Variants in SEMA3A observed in about 807,000 individuals in gnomAD.
SEMA3A encodes the protein semaphorin 3A, also known as semaphorin-3A.
Under a neutral mutation model 97.9 loss-of-function variants are expected in SEMA3A, and 29 were observed. The ratio of observed to expected loss-of-function variants is 0.30; its 90% CI spans 0.22 to 0.40. The LOEUF is 0.40. Among genes scored for constraint, SEMA3A ranks in the 10% least tolerant of loss-of-function variants. SEMA3A has a pLI of 1.00. For synonymous variants in SEMA3A, 321 were observed against 323.7 expected (o/e 0.99, Z 0.09); for missense variants, 763 against 951.3 (o/e 0.80, Z 2.60).
intron 6 of SEMA3A, among the ~76,000 whole-genome samples, chr7:84,032,695 T>C (rs1172348603): frequency 6.6e-6 from 1 of 152,032 alleles, no homozygotes; most frequent in Non-Finnish European, 1.5e-5. Flanking sequence ...AGAATTCAAA[T>C]TTAACATTAA....
At chr7:84,215,344 C>T (rs373351587) in intron 3 of SEMA3A, among the ~76,000 whole-genome samples, 1 of 151,038 alleles carries the variant, frequency 6.6e-6, no homozygotes, top group African/African-American at 2.4e-5. Flanking sequence ...TGCTACCACA[C>T]CCAGCTAATT....
intron 2 of SEMA3A, among the ~76,000 whole-genome samples, chr7:84,134,053 T>C (rs1227365728): frequency 6.6e-6 from 1 of 151,980 alleles, no homozygotes; most frequent in Non-Finnish European, 1.5e-5. Context: ...AGAGCGAGAC[T>C]CCATCTCAAA....
intron 2 of SEMA3A, among the ~76,000 whole-genome samples, chr7:84,334,109 C>G (rs1415511014): frequency 6.6e-6 from 1 of 152,082 alleles, no homozygotes; most frequent in African/African-American, 2.4e-5. Context: ...TCATCACAAA[C>G]TAAACTTTGA....
intron 4 of SEMA3A, among the ~76,000 whole-genome samples, chr7:84,080,068 T>C (rs1168218549): frequency 9.1e-5 from 13 of 142,366 alleles, no homozygotes; most frequent in African/African-American, 3.0e-4. Flanking sequence ...ATGGATGAAA[T>C]TGGAAATCAT....
intron 15 of SEMA3A, among the ~76,000 whole-genome samples, chr7:83,967,646 T>G (rs1788753304): frequency 6.6e-6 from 1 of 151,898 alleles, no homozygotes; most frequent in Non-Finnish European, 1.5e-5. Context: ...TCCCAGCTAC[T>G]CTGGAGGCTG....
At chr7:84,414,717 G>A (rs892747954) in intron 1 of SEMA3A, among the ~76,000 whole-genome samples, 1 of 151,860 alleles carries the variant, frequency 6.6e-6, no homozygotes, top group East Asian at 1.9e-4. Context: ...AAGAAAAAAT[G>A]TCAATATCAT....
At chr7:84,356,665 T>TC (rs2116044886) in intron 2 of SEMA3A, among the ~76,000 whole-genome samples, 1 of 152,116 alleles carries the variant, frequency 6.6e-6, no homozygotes, top group South Asian at 2.1e-4. Context: ...GTGATATTTT[T>TC]GTTTTTTTGA....
chr7:84,150,709 T>C lies in SEMA3A; in HGVS notation c.113-15758A>G, dbSNP rs868547507. On this transcript the variant is annotated intron_variant, in intron 1 of 16. Coordinates refer to ENST00000265362, the MANE Select transcript of SEMA3A (RefSeq NM_006080.3). ...GGCTTGATTAGGTAAACAAAGCAGC[T>C]GGGAAGCTGGAACTGGGTGGAGCCC... 8.6e-3 allele frequency among the ~76,000 whole-genome samples: 1,307 copies of C among 151,796 alleles called. 20 individuals carry two copies. Among genetic ancestry groups the C allele is most frequent in the African/African-American group, 0.028 (1,153 of 41,214 alleles).
At chr7:84,272,636 T>G (rs1416694283) in intron 3 of SEMA3A, among the ~76,000 whole-genome samples, 1 of 152,028 alleles carries the variant, frequency 6.6e-6, no homozygotes, top group Non-Finnish European at 1.5e-5. Context: ...CTTCAAGCTT[T>G]TATTGATTGT....
chr7:84,123,330 C>T (rs1030330465), intron 3 of SEMA3A, among the ~76,000 whole-genome samples: 3 of 151,988 alleles, frequency 2.0e-5, no homozygotes, highest in African/African-American at 7.2e-5. Flanking sequence ...TATTTATTTC[C>T]CTATCCAGGG....
At chr7:84,491,229 T>A (rs921370738) in intron 1 of SEMA3A, among the ~76,000 whole-genome samples, 1 of 152,170 alleles carries the variant, frequency 6.6e-6, no homozygotes, top group African/African-American at 2.4e-5. Context: ...GGGAATTATT[T>A]AAACAGTGCA....
At chr7:84,302,057 T>C (rs1455873610) in intron 3 of SEMA3A, among the ~76,000 whole-genome samples, 1 of 152,146 alleles carries the variant, frequency 6.6e-6, no homozygotes, top group African/African-American at 2.4e-5. Flanking sequence ...TAACCAAATG[T>C]AGTATATCCA....
chr7:84,304,614 C>T (rs1801107226), intron 3 of SEMA3A, among the ~76,000 whole-genome samples: 1 of 151,898 alleles, frequency 6.6e-6, no homozygotes, highest in Non-Finnish European at 1.5e-5. Flanking sequence ...GTACTGCTGG[C>T]ACTAATGTAT....
At chr7:83,996,704 AACG>A (rs1332657938) in intron 12 of SEMA3A, among the ~76,000 whole-genome samples, 5 of 147,292 alleles carry the variant, frequency 3.4e-5, no homozygotes, top group Non-Finnish European at 7.6e-5. Context: ...GACTTTAACT[AACG>A]TGTTGAGAAT....
intron 3 of SEMA3A, among the ~76,000 whole-genome samples, chr7:84,245,959 C>T (rs1306364557): frequency 6.6e-6 from 1 of 152,186 alleles, no homozygotes; most frequent in Non-Finnish European, 1.5e-5. Flanking sequence ...CCCATAGCCG[C>T]CCCTTTCCCC....
chr7:84,484,570 C>CACAG (rs1554395071), intron 1 of SEMA3A, among the ~76,000 whole-genome samples: 1 of 143,190 alleles, frequency 7.0e-6, no homozygotes, highest in Admixed American at 7.1e-5. Flanking sequence ...CACACACACA[C>CACAG]AGAGAGCAAG....
At chr7:84,074,092 T>C (rs1364569965) in intron 4 of SEMA3A, among the ~76,000 whole-genome samples, 1 of 152,122 alleles carries the variant, frequency 6.6e-6, no homozygotes, top group Non-Finnish European at 1.5e-5. Flanking sequence ...ATTTTTAAAA[T>C]CTCTTTTCCT....
At chr7:84,407,417 T>C (rs1023249394) in intron 1 of SEMA3A, among the ~76,000 whole-genome samples, 1 of 152,062 alleles carries the variant, frequency 6.6e-6, no homozygotes, top group African/African-American at 2.4e-5. Flanking sequence ...TGGAAGAACA[T>C]TCCATGCTCA....
intron 1 of SEMA3A, among the ~76,000 whole-genome samples, chr7:84,188,609 C>T (rs71522694): frequency 0.063 from 9,567 of 151,968 alleles, 352 homozygotes; most frequent in African/African-American, 0.092. Context: ...CAGGCTACTT[C>T]ATTCTTGGTA....
Sources: allele counts gnomAD v4.1 joint callset (sites outside exome capture counted in the v4.1 genomes callset), GRCh38; gene constraint gnomAD v4.1.1; transcripts MANE v1.5; gene names NCBI Gene and HGNC (gene_info 2026-07-23, HGNC 2026-07-21).